Variants in ENOX1 observed in about 807,000 individuals in gnomAD.
The protein encoded by ENOX1 is ecto-NOX disulfide-thiol exchanger 1.
Under a neutral mutation model 82.5 loss-of-function variants are expected in ENOX1, and 42 were observed. That is an observed-to-expected ratio of 0.51 (90% CI 0.40 to 0.66). The LOEUF (loss-of-function observed/expected upper bound fraction) is 0.66, where lower values mean the gene tolerates loss of function less well. Ranked by LOEUF, ENOX1 falls within the 30% of genes least tolerant of loss-of-function variation. The pLI, the probability that ENOX1 is intolerant of heterozygous loss-of-function variation, is 0.00. For missense variants in ENOX1, 608 were observed against 811.6 expected (o/e 0.75, Z 3.05); for synonymous variants, 271 against 282.2 (o/e 0.96, Z 0.40).
At chr13:43,332,367 T>C (rs2048456057) in intron 9 of ENOX1, among the ~76,000 whole-genome samples, 2 of 152,176 alleles carry the variant, frequency 1.3e-5, no homozygotes, top group African/African-American at 4.8e-5. Flanking sequence ...CTAATGCCGC[T>C]GCTGATCTAA....
At chr13:43,623,771 C>T (rs560395581) in intron 2 of ENOX1, among the ~76,000 whole-genome samples, 1 of 152,258 alleles carries the variant, frequency 6.6e-6, no homozygotes, top group East Asian at 1.9e-4. Context: ...TCCTCCTTTT[C>T]ATTGTTGAAC....
In ENOX1 at chr13:43,714,288, A is replaced by G. The variant is rs997219452; in HGVS notation, c.-284-46744T>C. On this transcript the variant is annotated intron_variant, in intron 1 of 16. Coordinates refer to ENST00000690772, the MANE Select transcript of ENOX1 (RefSeq NM_001347969.2). ...ACTGTGGTCTGAGAGATAGTTTGTT[A>G]TAATTTCTGTTCTTTTACATTTGCT... Among the ~76,000 whole-genome samples the G allele has an allele frequency of 4.1e-3, 622 of 152,170 alleles. 7 individuals carry two copies. Among genetic ancestry groups the G allele is most frequent in the African/African-American group, 0.014 (564 of 41,494 alleles).
At chr13:43,540,637 A>G (rs542594097) in intron 2 of ENOX1, among the ~76,000 whole-genome samples, 1 of 152,302 alleles carries the variant, frequency 6.6e-6, no homozygotes, top group South Asian at 2.1e-4. Flanking sequence ...TGAGATGGCT[A>G]TGAGCTAGGT....
intron 14 of ENOX1, among the ~76,000 whole-genome samples, chr13:43,237,235 A>C (rs1475771369): frequency 6.6e-6 from 1 of 152,226 alleles, no homozygotes; most frequent in Non-Finnish European, 1.5e-5. Context: ...TAAATGCAAG[A>C]GGCAGATAAA....
At chr13:43,309,786 T>C (rs1204082804) in intron 11 of ENOX1, among the ~76,000 whole-genome samples, 1 of 152,194 alleles carries the variant, frequency 6.6e-6, no homozygotes, top group Non-Finnish European at 1.5e-5. Flanking sequence ...ATATTGAGCA[T>C]GATAACCTTT....
At chr13:43,426,631 C>T (rs1343614646) in intron 3 of ENOX1, among the ~76,000 whole-genome samples, 1 of 152,088 alleles carries the variant, frequency 6.6e-6, no homozygotes, top group East Asian at 1.9e-4. Flanking sequence ...TAACCAGCAA[C>T]TAGTGGTGGT....
intron 8 of ENOX1, among the ~76,000 whole-genome samples, chr13:43,347,674 A>G (rs907548494): frequency 1.3e-5 from 2 of 152,214 alleles, no homozygotes; most frequent in African/African-American, 4.8e-5. Flanking sequence ...AACAATATAA[A>G]CTAATTTAAA....
Position 43,356,072 on chromosome 13 carries a change from C to A in ENOX1, c.670G>T (p.Asp224Tyr). The A allele has an allele frequency of 6.2e-7, 1 of 1,614,196 alleles. No individual in the cohort carries two copies. The highest frequency in any genetic ancestry group is 8.5e-7 in the Non-Finnish European group (1 of 1,180,038). The change falls in exon 8 of 17, where the codon GAC becomes TAC. Residue 224 changes from aspartate (D) to tyrosine (Y), a missense_variant. Asp to Tyr is a radical substitution (Grantham distance 160). Transcript: ENST00000690772. ...TGCTTGCATTCCCACTCATAGAAGT[C>A]ATCCCTGGCCTGGGCAAAGTCCACA... ...LHVDFAQARD[D>Y]FYEWECKQRM... is the part of the protein sequence containing the mutation.
chr13:43,273,297 TC>T (rs1566391746), intron 12 of ENOX1, among the ~76,000 whole-genome samples: 1 of 152,054 alleles, frequency 6.6e-6, no homozygotes, highest in Non-Finnish European at 1.5e-5. Flanking sequence ...GGCTACCATC[TC>T]CTCTCCTCTG....
intron 3 of ENOX1, among the ~76,000 whole-genome samples, chr13:43,427,560 C>T (rs563152333): frequency 1.3e-5 from 2 of 152,136 alleles, no homozygotes; most frequent in South Asian, 4.1e-4. Context: ...AGAAAGAAGT[C>T]TAGGGTAAAG....
chr13:43,633,253 A>G (rs2083288546), intron 2 of ENOX1, among the ~76,000 whole-genome samples: 1 of 152,224 alleles, frequency 6.6e-6, no homozygotes. Flanking sequence ...TTCAATGTTG[A>G]TATAAATATG....
At chr13:43,666,376 C>T (rs1490189844) in intron 2 of ENOX1, among the ~76,000 whole-genome samples, 2 of 152,092 alleles carry the variant, frequency 1.3e-5, no homozygotes, top group Non-Finnish European at 2.9e-5. Context: ...GAAATAGAGT[C>T]CTTGCAGATG....
intron 1 of ENOX1, among the ~76,000 whole-genome samples, chr13:43,769,426 T>C (rs1951463662): frequency 6.6e-6 from 1 of 152,242 alleles, no homozygotes; most frequent in African/African-American, 2.4e-5. Flanking sequence ...AGTTAATTTT[T>C]TTTTTTACTA....
At position 43,356,065 on chromosome 13, in the gene ENOX1, T is replaced by C. The variant is rs770111325; in HGVS notation, c.677A>G (p.Tyr226Cys). Reference protein sequence around the residue: ...VDFAQARDDFYEWECKQRMRA... With the variant: ...VDFAQARDDFCEWECKQRMRA... ...CATCCTCTGCTTGCATTCCCACTCA[T>C]AGAAGTCATCCCTGGCCTGGGCAAA... Residue 226 changes from tyrosine (Y) to cysteine (C), a missense_variant, in exon 8 of 17, where the codon TAT (tyrosine) becomes TGT (cysteine). Physicochemically the swap from Tyr to Cys is radical, Grantham distance 194 (BLOSUM62 -2). Coordinates refer to ENST00000690772, the MANE Select transcript of ENOX1 (RefSeq NM_001347969.2). The C allele has an allele frequency of 5.0e-6, 8 of 1,614,164 alleles. No individual in the cohort carries two copies. The highest frequency in any genetic ancestry group is 1.3e-5 in the African/African-American group (1 of 75,048).
chr13:43,576,624 A>G (rs2080437701), intron 2 of ENOX1, among the ~76,000 whole-genome samples: 1 of 152,210 alleles, frequency 6.6e-6, no homozygotes, highest in African/African-American at 2.4e-5. Flanking sequence ...ATTTTAGCCC[A>G]TGAGACCAAT....
At chr13:43,367,761 GGGA>G (rs2050945705) in intron 5 of ENOX1, among the ~76,000 whole-genome samples, 1 of 151,952 alleles carries the variant, frequency 6.6e-6, no homozygotes, top group Non-Finnish European at 1.5e-5. Flanking sequence ...TGGGTGCCAG[GGGA>G]GTGTCAGGGA....
At chr13:43,225,329 G>A (rs1373453208) in intron 15 of ENOX1, among the ~76,000 whole-genome samples, 9 of 152,142 alleles carry the variant, frequency 5.9e-5, no homozygotes, top group Non-Finnish European at 8.8e-5. Flanking sequence ...CATTACCAGG[G>A]GGATGGGTTC....
intron 3 of ENOX1, among the ~76,000 whole-genome samples, chr13:43,466,324 C>T (rs2153641605): frequency 6.6e-6 from 1 of 152,154 alleles, no homozygotes; most frequent in South Asian, 2.1e-4. Context: ...GAGAACTTCC[C>T]TAATACAATA....
chr13:43,705,326 C>CTATATA (rs201089545), intron 1 of ENOX1, among the ~76,000 whole-genome samples: 217 of 36,858 alleles, frequency 5.9e-3, no homozygotes, highest in Middle Eastern at 0.014. Context: ...CTCTCTCTCT[C>CTATATA]TCTCTATATA....
Sources: allele counts gnomAD v4.1 joint callset (sites outside exome capture counted in the v4.1 genomes callset), GRCh38; gene constraint gnomAD v4.1.1; transcripts MANE v1.5; gene names NCBI Gene and HGNC (gene_info 2026-07-23, HGNC 2026-07-21).